PTK2: variants seen among roughly 807,000 people sequenced by gnomAD.
PTK2 encodes protein tyrosine kinase 2, also known as focal adhesion kinase 1.
PTK2 carries 45 observed loss-of-function variants against 150.1 expected under a neutral mutation model. That is an observed-to-expected ratio of 0.30 (90% CI 0.24 to 0.38). PTK2 has a LOEUF of 0.38. PTK2 is among the 10% of genes least tolerant of loss of function. PTK2 has a pLI of 1.00. For missense variants in PTK2, 919 were observed against 1,307.3 expected, an observed-to-expected ratio of 0.70 and a Z score of 4.58; for synonymous variants, 432 against 449.2, an observed-to-expected ratio of 0.96 and a Z score of 0.48.
intron 5 of PTK2, among the ~76,000 whole-genome samples, chr8:140,851,404 A>T (rs1449542809): frequency 6.6e-6 from 1 of 152,236 alleles, no homozygotes; most frequent in Non-Finnish European, 1.5e-5. Context: ...AATAAAACAA[A>T]CATGGAACTT....
chr8:140,727,750 A>G (rs2100046785), intron 22 of PTK2, among the ~76,000 whole-genome samples: 1 of 152,172 alleles, frequency 6.6e-6, no homozygotes, highest in Non-Finnish European at 1.5e-5. Context: ...ATACATCTAT[A>G]AAACATCAAA....
In PTK2 at chr8:140,743,223, T is replaced by C. The variant is rs772143088; in HGVS notation, c.1735+7A>G. 1 of 1,562,370 alleles carries C rather than the reference T, an allele frequency of 6.4e-7. No homozygotes were observed. Among genetic ancestry groups the C allele is most frequent in the Non-Finnish European group, 8.8e-7 (1 of 1,134,460 alleles). On this transcript the variant is annotated splice_region_variant and intron_variant, in intron 20 of 31. Transcript: ENST00000522684. Reference sequence around the variant, plus strand: ...CCTATTTCTTAGGTACTACTCTGATTTCTTACCTTTGTAGTAAGTACTATC... The same window carrying C: ...CCTATTTCTTAGGTACTACTCTGATCTCTTACCTTTGTAGTAAGTACTATC...
chr8:140,898,724 T>C (rs2100157305), intron 2 of PTK2, among the ~76,000 whole-genome samples: 1 of 152,186 alleles, frequency 6.6e-6, no homozygotes, highest in South Asian at 2.1e-4. Context: ...CCCTCATTTA[T>C]AATTACTGTA....
At chr8:140,904,635 T>A (rs1166866103) in intron 2 of PTK2, among the ~76,000 whole-genome samples, 2 of 152,180 alleles carry the variant, frequency 1.3e-5, no homozygotes, top group Non-Finnish European at 2.9e-5. Flanking sequence ...CCTGGGCTTT[T>A]TTTTGGTTGG....
At chr8:140,931,070 CAA>C (rs34438579) in intron 1 of PTK2, among the ~76,000 whole-genome samples, 75 of 111,704 alleles carry the variant, frequency 6.7e-4, no homozygotes, top group South Asian at 1.7e-3. Flanking sequence ...GACTCTGTCT[CAA>C]AAAAAAAAAA....
chr8:140,716,514 G>C (rs1270760893), intron 23 of PTK2, among the ~76,000 whole-genome samples: 1 of 152,092 alleles, frequency 6.6e-6, no homozygotes, highest in Non-Finnish European at 1.5e-5. Flanking sequence ...TCTGTAGAGG[G>C]GGCTGGTCTG....
chr8:140,786,773 C>A lies in PTK2; in HGVS notation c.1177+2701G>T, dbSNP rs144310348. Reference sequence around the variant, plus strand: ...GTCATTAAATATCCACTGGACACCACTTATTCTTTGCTTGGATTTGTAAAT... The same window carrying A: ...GTCATTAAATATCCACTGGACACCAATTATTCTTTGCTTGGATTTGTAAAT... On this transcript the variant is annotated intron_variant, in intron 14 of 31. Transcript: ENST00000522684. Among the ~76,000 whole-genome samples the A allele has an allele frequency of 4.5e-3, 684 of 152,250 alleles. 4 individuals carry two copies. Among genetic ancestry groups the A allele is most frequent in the African/African-American group, 0.016 (647 of 41,544 alleles).
intron 26 of PTK2, among the ~76,000 whole-genome samples, chr8:140,697,873 TTTTTTTTTG>T: frequency 7.1e-6 from 1 of 140,456 alleles, no homozygotes; most frequent in South Asian, 2.4e-4. Flanking sequence ...TTTTTTTTTT[TTTTTTTTTG>T]CCACAGGGTC....
chr8:140,782,277 CTT>C (rs1256496425), intron 14 of PTK2, among the ~76,000 whole-genome samples: 1 of 144,052 alleles, frequency 6.9e-6, no homozygotes, highest in African/African-American at 2.6e-5. Flanking sequence ...AGGGTCCTCT[CTT>C]TGTCACCCAG....
At chr8:140,889,752 C>A (rs137995148) in intron 3 of PTK2, among the ~76,000 whole-genome samples, 1,620 of 152,078 alleles carry the variant, frequency 0.011, 16 homozygotes, top group Non-Finnish European at 0.017. Flanking sequence ...AGGTATTTAA[C>A]ACTTCATCAA....
intron 10 of PTK2, among the ~76,000 whole-genome samples, chr8:140,803,912 C>A (rs2100096769): frequency 6.6e-6 from 1 of 152,138 alleles, no homozygotes; most frequent in Non-Finnish European, 1.5e-5. Flanking sequence ...AGTACAGTTA[C>A]CACTGAGAGA....
intron 3 of PTK2, among the ~76,000 whole-genome samples, chr8:140,888,589 T>C (rs2100153141): frequency 6.6e-6 from 1 of 152,246 alleles, no homozygotes; most frequent in African/African-American, 2.4e-5. Context: ...TGTAAATTTT[T>C]CTTCACAATA....
intron 4 of PTK2, among the ~76,000 whole-genome samples, chr8:140,866,142 T>C (rs1264612016): frequency 6.6e-6 from 1 of 152,174 alleles, no homozygotes. Context: ...AAGGTATAAT[T>C]ATTCGCATTC....
At chr8:140,873,432 C>T (rs1403943695) in intron 4 of PTK2, among the ~76,000 whole-genome samples, 1 of 151,940 alleles carries the variant, frequency 6.6e-6, no homozygotes, top group African/African-American at 2.4e-5. Flanking sequence ...ATCTTCATGT[C>T]TCTTGTGTAT....
intron 1 of PTK2, among the ~76,000 whole-genome samples, chr8:140,962,525 T>A (rs1569503468): frequency 6.6e-6 from 1 of 152,068 alleles, no homozygotes. Flanking sequence ...GAGCATACTC[T>A]ACAGTCATCA....
intron 5 of PTK2, among the ~76,000 whole-genome samples, chr8:140,857,926 T>C (rs1047911085): frequency 6.6e-6 from 1 of 152,144 alleles, no homozygotes; most frequent in Non-Finnish European, 1.5e-5. Context: ...AAAGTCACTG[T>C]GAAAGCCACC....
At chr8:140,823,338 G>T (rs1237526218) in intron 8 of PTK2, among the ~76,000 whole-genome samples, 1 of 152,028 alleles carries the variant, frequency 6.6e-6, no homozygotes, top group East Asian at 1.9e-4. Flanking sequence ...ACCAGCTGCT[G>T]GTTTATATAT....
chr8:140,986,991 C>T (rs1256926349), intron 1 of PTK2, among the ~76,000 whole-genome samples: 1 of 152,054 alleles, frequency 6.6e-6, no homozygotes, highest in Non-Finnish European at 1.5e-5. Flanking sequence ...AAAAACACAA[C>T]CCGTAAAGCA....
rs1314503428 is a variant in PTK2 at position 140,920,951 on chromosome 8, C to T, written c.-33+4710G>A. On this transcript the variant is annotated intron_variant, in intron 2 of 31. Transcript: ENST00000522684. ...ATAAAGATCAAGCCAGGAGTCTGCA[C>T]ACAAAGTCCCAGTTCCTCGCTGTGA... The T allele has an allele frequency of 3.5e-6, 5 of 1,446,498 alleles. No homozygotes were observed. In the African/African-American group the frequency reaches 5.9e-5, roughly 17 times the overall value. The allele number at this position is 1,446,498 out of a possible 1,614,324, so 89.6% of individuals were successfully genotyped here.
Sources: gnomAD v4.1 joint callset for allele counts (sites outside exome capture counted in the v4.1 genomes callset) on GRCh38, gnomAD v4.1.1 for gene constraint, MANE v1.5 for transcripts, NCBI Gene and HGNC (gene_info 2026-07-23, HGNC 2026-07-21) for gene names.